The following STARD9 variants were observed in gnomAD, a reference collection of about 807,000 sequenced individuals.
The protein encoded by STARD9 is StAR related lipid transfer domain containing 9, also known as stAR-related lipid transfer protein 9.
In STARD9, 346 loss-of-function variants were observed where a neutral mutation model predicts 399.8. The observed-to-expected ratio is 0.87, with a 90% CI of 0.79 to 0.95. The LOEUF is 0.95. Among genes scored for constraint, STARD9 ranks in the 40% least tolerant of loss-of-function variants. The pLI is 0.00. For synonymous variants in STARD9, 2,203 were observed against 2,143.5 expected, an observed-to-expected ratio of 1.03 and a Z score of -0.77; for missense variants, 5,832 against 5,667.5, an observed-to-expected ratio of 1.03 and a Z score of -0.93.
chr15:42,633,934 G>C (rs557439861), intron 3 of STARD9, among the ~76,000 whole-genome samples: 1 of 151,952 alleles, frequency 6.6e-6, no homozygotes, highest in African/African-American at 2.4e-5. Flanking sequence ...CTGAGCCACC[G>C]CGCCTGGCCC....
intron 3 of STARD9, among the ~76,000 whole-genome samples, chr15:42,629,072 T>G (rs1487516700): frequency 2.0e-5 from 3 of 152,086 alleles, no homozygotes; most frequent in African/African-American, 7.2e-5. Context: ...CAGGCTGGAG[T>G]GCAGGGACGT....
chr15:42,719,176 T>A (rs534010988), intron 32 of STARD9, among the ~76,000 whole-genome samples: 3 of 152,204 alleles, frequency 2.0e-5, no homozygotes, highest in Admixed American at 2.0e-4. Context: ...GTGATCCCAG[T>A]GTCCTTAGGA....
rs543851486 is a variant in STARD9, at chr15:42,607,907, C to T, written c.234+22270C>T. The stretch of plus-strand genomic sequence containing the variant: ...TTTACTATGTTTTATTGAAAACCAG[C>T]CTCAAGTTCCTGATTGACTGTCCAG... On this transcript the variant is annotated intron_variant, in intron 3 of 32. Transcript: ENST00000290607. 6.4e-4 allele frequency among the ~76,000 whole-genome samples: 98 copies of T among 152,244 alleles called. 3 individuals are homozygous for T. The South Asian group carries it at 0.02, about 31-fold the overall frequency.
intron 3 of STARD9, among the ~76,000 whole-genome samples, chr15:42,596,793 A>C (rs1424379354): frequency 6.6e-6 from 1 of 152,218 alleles, no homozygotes; most frequent in Non-Finnish European, 1.5e-5. Flanking sequence ...CAGCTAATTG[A>C]TTAGCTTATT....
rs1218197626 is a variant in STARD9 at position 42,692,272 on chromosome 15, C to T, written c.10694C>T (p.Ala3565Val). 1 of 1,537,000 alleles carries T rather than the reference C, an allele frequency of 6.5e-7. No individual in the cohort carries two copies. The highest frequency in any genetic ancestry group is 8.7e-7 in the Non-Finnish European group (1 of 1,146,884). The change falls in exon 23 of 33, where the codon GCC (alanine) becomes GTC (valine). Residue 3565 changes from alanine (A) to valine (V), a missense_variant. Around this residue, in one of 2 missense-constraint regions of STARD9, gnomAD observed 5,828 missense variants for 5,651.1 expected, o/e 1.03. Transcript: ENST00000290607. ...GTATTCCGAGGGAGTTCTTCAATTG[C>T]CTTAGGAGACCCCCACATCCCGACG... is the stretch of plus-strand genomic sequence containing the variant. ...WEVFRGSSSI[A>V]LGDPHIPTSP...
chr15:42,717,044 C>T lies in STARD9; in HGVS notation c.13490C>T (p.Ala4497Val), dbSNP rs1431313925. Reference sequence around the variant, plus strand: ...AAGCATGTCGTGGACACTTCTATGGCTGATGTGAGTAACTGCTCCCACCCA... The same window carrying T: ...AAGCATGTCGTGGACACTTCTATGGTTGATGTGAGTAACTGCTCCCACCCA... Reference protein sequence around the residue: ...LAKHVVDTSMADVMAACSDNL... With the variant: ...LAKHVVDTSMVDVMAACSDNL... The change falls in exon 28 of 33, where the codon GCT becomes GTT. Residue 4497 changes from alanine to valine, a missense_variant. Ala to Val is a moderately conservative substitution (Grantham distance 64). Transcript: ENST00000290607. 1.3e-6 allele frequency: 2 copies of T among 1,537,132 alleles called. No individual in the cohort carries two copies. The highest frequency in any genetic ancestry group is 1.7e-6 in the Non-Finnish European group (2 of 1,146,858).
At chr15:42,662,773 T>G in intron 10 of STARD9, 21 bp from the exon 11 acceptor site, 2 of 1,519,348 alleles carry the variant, frequency 1.3e-6, no homozygotes, top group Non-Finnish European at 1.8e-6. Flanking sequence ...TTGTTTTTGT[T>G]TTTCATTGAC....
intron 3 of STARD9, among the ~76,000 whole-genome samples, chr15:42,590,233 G>C (rs1436781277): frequency 6.6e-6 from 1 of 151,918 alleles, no homozygotes; most frequent in African/African-American, 2.4e-5. Flanking sequence ...AAAGTGCTGG[G>C]ATTACAGGTG....
At position 42,688,104 on chromosome 15, in the gene STARD9, C is replaced by A. The variant is rs765222021; in HGVS notation, c.6526C>A (p.Pro2176Thr). ...CACCCACCCAGCTGGATCGGACAGA[C>A]CTGCCAGGGATATTTGTGATTCTTT... ...EHTHPAGSDRPARDICDSLGK... is the reference protein window; with the variant it reads ...EHTHPAGSDRTARDICDSLGK... Residue 2176 changes from proline (P) to threonine (T), a missense_variant, in exon 23 of 33, where the codon CCT becomes ACT. Physicochemically the swap from Pro to Thr is conservative, Grantham distance 38 (BLOSUM62 -1). Coordinates refer to ENST00000290607, the MANE Select transcript of STARD9 (RefSeq NM_020759.3). The A allele has an allele frequency of 1.5e-5, 23 of 1,537,344 alleles. No homozygotes were observed. Among genetic ancestry groups the A allele is most frequent in the Admixed American group, 2.0e-5 (1 of 50,996 alleles).
At chr15:42,631,731 A>G (rs983117393) in intron 3 of STARD9, among the ~76,000 whole-genome samples, 2 of 152,114 alleles carry the variant, frequency 1.3e-5, no homozygotes, top group Non-Finnish European at 2.9e-5. Flanking sequence ...TTGTGGTAAT[A>G]GAAGATAGTT....
intron 16 of STARD9, chr15:42,674,015 AC>A (rs2060258627): frequency 8.7e-6 from 4 of 457,340 alleles, no homozygotes. Context: ...TTTGATTGAG[AC>A]TTACTGGATC....
At chr15:42,662,996 A>G in intron 11 of STARD9, 105 bp downstream of exon 11, 1 of 907,394 alleles carries the variant, frequency 1.1e-6, no homozygotes. Flanking sequence ...TGATAAGGTT[A>G]CCTTCTGGTT....
At chr15:42,635,577 C>T (rs551736263) in intron 4 of STARD9, among the ~76,000 whole-genome samples, 1 of 152,218 alleles carries the variant, frequency 6.6e-6, no homozygotes, top group South Asian at 2.1e-4. Context: ...GATCTGCCCG[C>T]CTCGGCCTCC....
Position 42,717,747 on chromosome 15 carries a change from C to G in STARD9, c.13511C>G (p.Ser4504Trp), listed in dbSNP as rs567963038. Residue 4504 changes from serine to tryptophan, a missense_variant, in exon 29 of 33, where the codon TCG (serine) becomes TGG (tryptophan). Around this residue, in one of 2 missense-constraint regions of STARD9, gnomAD observed 5,828 missense variants for 5,651.1 expected, o/e 1.03. Transcript: ENST00000290607. The stretch of plus-strand genomic sequence containing the variant: ...TGTCCCCAGGTAATGGCTGCTTGTT[C>G]GGATAATTTGCACAACCTCTTCAGC... Reference protein sequence around the residue: ...TSMADVMAACSDNLHNLFSCQ... With the variant: ...TSMADVMAACWDNLHNLFSCQ... 5 of 1,537,048 alleles carry G rather than the reference C, an allele frequency of 3.3e-6. No individual in the cohort carries two copies. The highest frequency in any genetic ancestry group is 4.4e-6 in the Non-Finnish European group (5 of 1,146,908).
rs1188221947 is a variant in STARD9 at position 42,665,313 on chromosome 15, C to G, written c.1237C>G (p.Leu413Val). Residue 413 changes from leucine (L) to valine (V), a missense_variant, in exon 14 of 33, where the codon CTG (leucine) becomes GTG (valine). By Grantham distance (32) the Leu-to-Val change is conservative. Transcript: ENST00000290607. Reference protein sequence around the residue: ...REEIERLKALLLSFELRNFSS... With the variant: ...REEIERLKALVLSFELRNFSS... Reference sequence around the variant, plus strand: ...AGAGATTGAAAGACTGAAAGCCCTGCTGCTGAGCTTTGAACTGGTATGCAG... The same window carrying G: ...AGAGATTGAAAGACTGAAAGCCCTGGTGCTGAGCTTTGAACTGGTATGCAG... 6.5e-7 allele frequency: 1 copy of G among 1,536,930 alleles called. No individual in the cohort carries two copies. The highest frequency in any genetic ancestry group is 2.0e-5 in the Admixed American group (1 of 50,976).
intron 9 of STARD9, among the ~76,000 whole-genome samples, chr15:42,659,605 C>T (rs2059954318): frequency 6.6e-6 from 1 of 152,240 alleles, no homozygotes; most frequent in Admixed American, 6.5e-5. Context: ...TGGCTCACTG[C>T]AGCCTCTGCC....
At chr15:42,576,458 T>A (rs1233173625) in intron 1 of STARD9, among the ~76,000 whole-genome samples, 1 of 152,152 alleles carries the variant, frequency 6.6e-6, no homozygotes, top group East Asian at 1.9e-4. Context: ...TTTTTAAAGA[T>A]CAATTAGAGT....
chr15:42,665,907 T>G (rs1453537838), intron 15 of STARD9, 59 bp downstream of exon 15: 2 of 1,410,330 alleles, frequency 1.4e-6, no homozygotes, highest in African/African-American at 1.4e-5. Flanking sequence ...CCTCCATTAT[T>G]CCGGAGCTAG....
At chr15:42,601,596 C>T (rs1161534776) in intron 3 of STARD9, among the ~76,000 whole-genome samples, 4 of 150,198 alleles carry the variant, frequency 2.7e-5, no homozygotes, top group South Asian at 2.1e-4. Flanking sequence ...ACCTCCCGGA[C>T]GGGGCGGCTG....
Sources: gnomAD v4.1 joint callset for allele counts (sites outside exome capture counted in the v4.1 genomes callset) on GRCh38, gnomAD v4.1.1 for gene constraint, gnomAD v4.1.1 regional missense constraint, MANE v1.5 for transcripts, NCBI Gene and HGNC (gene_info 2026-07-23, HGNC 2026-07-21) for gene names.